The following EPHA4 variants were observed in gnomAD, a reference collection of about 807,000 sequenced individuals.
EPHA4 encodes ephrin type-A receptor 4.
EPHA4 carries 19 observed loss-of-function variants against 108.3 expected under a neutral mutation model. That is an observed-to-expected ratio of 0.18 (90% CI 0.12 to 0.26). The LOEUF (loss-of-function observed/expected upper bound fraction) is 0.26. Among genes scored for constraint, EPHA4 ranks in the 10% least tolerant of loss-of-function variants. EPHA4 has a pLI of 1.00. For synonymous variants in EPHA4, 449 were observed against 455.5 expected (o/e 0.99, Z 0.18); for missense variants, 917 against 1,254.0 (o/e 0.73, Z 4.06).
At chr2:221,513,392 T>C (rs930525136) in intron 3 of EPHA4, among the ~76,000 whole-genome samples, 3 of 152,218 alleles carry the variant, frequency 2.0e-5, no homozygotes, top group African/African-American at 7.2e-5. Context: ...GCAGCAGCAT[T>C]GCTAGTCATT....
intron 3 of EPHA4, chr2:221,502,452 GA>G (rs1450964220): frequency 2.1e-6 from 1 of 466,656 alleles, no homozygotes; most frequent in East Asian, 6.9e-5. Flanking sequence ...GCAGTGGGGA[GA>G]AGGACCTATC....
chr2:221,456,132 G>A (rs79388879), intron 7 of EPHA4, among the ~76,000 whole-genome samples: 12,592 of 150,040 alleles, frequency 0.084, 671 homozygotes, highest in East Asian at 0.26. Context: ...AATCCAACTC[G>A]CAATGCTTAA....
intron 8 of EPHA4, among the ~76,000 whole-genome samples, chr2:221,455,180 A>G (rs1048549228): frequency 8.5e-5 from 13 of 152,206 alleles, no homozygotes; most frequent in Non-Finnish European, 1.8e-4. Context: ...GGCAAATGGC[A>G]GAGCTCAAAA....
chr2:221,490,120 T>A (rs1475909758), intron 4 of EPHA4, among the ~76,000 whole-genome samples: 1 of 141,716 alleles, frequency 7.1e-6, no homozygotes, highest in East Asian at 2.1e-4. Context: ...TACTCTAGCC[T>A]GAGTGATGAA....
At chr2:221,466,465 T>G (rs1192601368) in intron 5 of EPHA4, among the ~76,000 whole-genome samples, 3 of 152,172 alleles carry the variant, frequency 2.0e-5, no homozygotes, top group East Asian at 1.9e-4. Context: ...GAAGTAGTTA[T>G]AATGATCACC....
intron 3 of EPHA4, among the ~76,000 whole-genome samples, chr2:221,522,083 C>T (rs1693181964): frequency 1.3e-5 from 2 of 152,232 alleles, no homozygotes; most frequent in South Asian, 2.1e-4. Context: ...CTGCCTGGGA[C>T]TAGGCCAGGC....
rs1453374756 is a variant in EPHA4 at position 221,571,140 on chromosome 2, G to A, written c.91+1018C>T. 1.3e-5 allele frequency among the ~76,000 whole-genome samples: 2 copies of A among 151,724 alleles called. No individual in the cohort carries two copies. Among genetic ancestry groups the A allele is most frequent in the African/African-American group, 4.8e-5 (2 of 41,296 alleles). ...CGCACCTACATACACGCAGTTGCAC[G>A]CGCGCGCACACACACAGGCACACAC... On this transcript the variant is annotated intron_variant, in intron 1 of 17. Coordinates refer to ENST00000281821, the MANE Select transcript of EPHA4 (RefSeq NM_004438.5). This position sits in a 1 kb window ranked among gnomAD's most constrained non-coding sequence, Gnocchi z 6.3.
Position 221,478,799 on chromosome 2 carries a change from C to T in EPHA4, c.1318+3553G>A, listed in dbSNP as rs569157592. 2.1e-4 allele frequency among the ~76,000 whole-genome samples: 29 copies of T among 138,264 alleles called. No homozygotes were observed. In the South Asian group the frequency reaches 5.7e-3, roughly 27 times the overall value. The allele number at this position is 138,264 out of a possible 152,430, so 90.7% of individuals were successfully genotyped here. ...CTTCCAACAACCTTAGCAGGGCAGG[C>T]GGAGAGGCTGCAGGTAGCCAGCTGG... On this transcript the variant is annotated intron_variant, in intron 5 of 17. Transcript: ENST00000281821.
intron 4 of EPHA4, among the ~76,000 whole-genome samples, chr2:221,491,063 T>C (rs1692128663): frequency 6.6e-6 from 1 of 152,228 alleles, no homozygotes; most frequent in African/African-American, 2.4e-5. Flanking sequence ...TCATTTCTTG[T>C]TGTGAGACTT....
rs1256276500 is a variant in EPHA4 at position 221,418,377 on chromosome 2, C to T, written c.*2995G>A. On this transcript the variant is annotated 3_prime_UTR_variant, in exon 18 of 18. Transcript: ENST00000281821. Reference sequence around the variant, plus strand: ...TACTTAGAGTGATACAAAAAATAAACGCACTCTTCAGTGTGTATCAATGCT... The same window carrying T: ...TACTTAGAGTGATACAAAAAATAAATGCACTCTTCAGTGTGTATCAATGCT... 6.6e-6 allele frequency: 1 copy of T among 152,576 alleles called. No individual in the cohort carries two copies. Among genetic ancestry groups the T allele is most frequent in the Non-Finnish European group, 1.5e-5 (1 of 68,034 alleles). 9.5% of individuals were successfully genotyped at this position (152,576 alleles called of 1,614,324 possible).
At chr2:221,475,968 C>G (rs1346654628) in intron 5 of EPHA4, among the ~76,000 whole-genome samples, 1 of 152,072 alleles carries the variant, frequency 6.6e-6, no homozygotes, top group Admixed American at 6.6e-5. Flanking sequence ...CCTGTAATCC[C>G]AGAACTTTGG....
intron 5 of EPHA4, among the ~76,000 whole-genome samples, chr2:221,459,995 A>G (rs1691090371): frequency 6.6e-6 from 1 of 152,170 alleles, no homozygotes; most frequent in African/African-American, 2.4e-5. Context: ...TTGGGTTATC[A>G]TTAAACTGCT....
intron 5 of EPHA4, among the ~76,000 whole-genome samples, chr2:221,478,148 G>A (rs560136848): frequency 3.3e-5 from 5 of 152,118 alleles, no homozygotes; most frequent in South Asian, 2.1e-4. Context: ...AAGCAAAGGC[G>A]ATGGGAGATG....
chr2:221,461,386 A>T (rs141865749), intron 5 of EPHA4, among the ~76,000 whole-genome samples: 2 of 152,276 alleles, frequency 1.3e-5, no homozygotes, highest in Admixed American at 6.5e-5. Context: ...GAATTTTTTT[A>T]AAAAGATTGT....
chr2:221,506,927 G>A (rs1343865067), intron 3 of EPHA4, among the ~76,000 whole-genome samples: 1 of 152,156 alleles, frequency 6.6e-6, no homozygotes, highest in Admixed American at 6.5e-5. Context: ...TTATTAGTGA[G>A]GGGAATGGAA....
chr2:221,496,125 G>A (rs956498384), intron 4 of EPHA4, among the ~76,000 whole-genome samples: 1 of 152,118 alleles, frequency 6.6e-6, no homozygotes, highest in Non-Finnish European at 1.5e-5. Context: ...GATAAAGCTG[G>A]GGGCAGCGTG....
chr2:221,444,573 A>T (rs1285026787), intron 9 of EPHA4, among the ~76,000 whole-genome samples: 2 of 151,900 alleles, frequency 1.3e-5, no homozygotes, highest in East Asian at 1.9e-4. Flanking sequence ...TCAGCTTTTT[A>T]AAAAAACATA....
chr2:221,465,645 C>T (rs1691285518), intron 5 of EPHA4, among the ~76,000 whole-genome samples: 1 of 152,020 alleles, frequency 6.6e-6, no homozygotes, highest in Admixed American at 6.6e-5. Context: ...AAGTGATTTC[C>T]CCTCTTCTAG....
intron 5 of EPHA4, among the ~76,000 whole-genome samples, chr2:221,481,598 G>A (rs1691821940): frequency 6.6e-6 from 1 of 152,040 alleles, no homozygotes; most frequent in Non-Finnish European, 1.5e-5. Context: ...AGGTTGCAGT[G>A]AGCCGAGATC....
Sources: allele counts gnomAD v4.1 joint callset (sites outside exome capture counted in the v4.1 genomes callset), GRCh38; gene constraint gnomAD v4.1.1; non-coding constraint Gnocchi (gnomAD v3.1); transcripts MANE v1.5; gene names NCBI Gene and HGNC (gene_info 2026-07-23, HGNC 2026-07-21).